Variants in IL5RA observed in about 807,000 individuals in gnomAD.
IL5RA encodes interleukin-5 receptor subunit alpha.
In IL5RA, 49 loss-of-function variants were observed where a neutral mutation model predicts 50.0. The ratio of observed to expected loss-of-function variants is 0.98; its 90% CI spans 0.78 to 1.24. IL5RA has a LOEUF of 1.24. IL5RA is among the 50% of genes most tolerant of loss of function. IL5RA has a pLI of 0.00. For synonymous variants in IL5RA, 202 were observed against 174.0 expected, an observed-to-expected ratio of 1.16 and a Z score of -1.26; for missense variants, 600 against 500.4, an observed-to-expected ratio of 1.20 and a Z score of -1.90.
chr3:3,092,955 T>G lies in IL5RA; in HGVS notation c.856-593A>C, dbSNP rs17879227. Reference sequence around the variant, plus strand: ...GCTCTTATTATCTTTTGCTTGGACCTTTGCAGTAGCCGCTAACTGATATCA... The same window carrying G: ...GCTCTTATTATCTTTTGCTTGGACCGTTGCAGTAGCCGCTAACTGATATCA... On this transcript the variant is annotated intron_variant, in intron 8 of 11. Transcript: ENST00000446632. The surrounding 1 kb of genome is among the most constrained non-coding windows in gnomAD (Gnocchi z 4.2). 4.8e-3 allele frequency among the ~76,000 whole-genome samples: 724 copies of G among 152,176 alleles called. 7 individuals carry two copies. The highest frequency in any genetic ancestry group is 0.015 in the African/African-American group (642 of 41,522).
chr3:3,092,311 TAGAA>T lies in IL5RA; in HGVS notation c.903_906del (p.Lys303ThrfsTer5), dbSNP rs773569340. 1 of 1,614,008 alleles carries T rather than the reference TAGAA, an allele frequency of 6.2e-7. No homozygotes were observed. The highest frequency in any genetic ancestry group is 2.2e-5 in the East Asian group (1 of 44,884). On this transcript the variant is annotated frameshift_variant, in exon 9 of 12. Coordinates refer to ENST00000446632, the MANE Select transcript of IL5RA (RefSeq NM_175726.4). LOFTEE classifies it high-confidence loss of function. The surrounding 1 kb of genome is among the most constrained non-coding windows in gnomAD (Gnocchi z 4.2). Reference sequence around the variant, plus strand: ...GCTGCTCTCACTTGAACATCGTACTTAGAAAGATCATCAATTATTGAGATGAATG... The same window carrying T: ...GCTGCTCTCACTTGAACATCGTACTTAGATCATCAATTATTGAGATGAATG...
rs904426452 is a variant in IL5RA, at chr3:3,069,256, T to C, written c.*969A>G. On this transcript the variant is annotated 3_prime_UTR_variant, in exon 12 of 12. Coordinates refer to ENST00000446632, the MANE Select transcript of IL5RA (RefSeq NM_175726.4). The stretch of plus-strand genomic sequence containing the variant: ...TCCAATCTGGATGCAGACTCATATA[T>C]GAAGATGTTAGGAAGAAGAATTTCT... 6.6e-6 allele frequency: 1 copy of C among 152,262 alleles called. No homozygotes were observed. Among genetic ancestry groups the C allele is most frequent in the Non-Finnish European group, 1.5e-5 (1 of 68,066 alleles). 9.4% of individuals were successfully genotyped at this position (152,262 alleles called of 1,614,324 possible). A position where few individuals can be genotyped will look rare whatever the true frequency, so the allele number is the denominator to read the frequency against.
chr3:3,103,996 T>C (rs1439772210), intron 3 of IL5RA, among the ~76,000 whole-genome samples: 1 of 152,208 alleles, frequency 6.6e-6, no homozygotes, highest in East Asian at 1.9e-4. Context: ...CATTGTCCAT[T>C]ACGGTAGCCA....
intron 9 of IL5RA, chr3:3,089,998 T>G: frequency 1.9e-6 from 1 of 515,122 alleles, no homozygotes; most frequent in East Asian, 3.7e-5. Flanking sequence ...TGTCCAGAGA[T>G]CAAGTGCTAG....
At chr3:3,090,307 T>A (rs1290021507) in intron 9 of IL5RA, 11 of 1,314,750 alleles carry the variant, frequency 8.4e-6, no homozygotes, top group Non-Finnish European at 1.2e-5. Flanking sequence ...TCAATCCTTG[T>A]AAAGGCTGAA....
At chr3:3,104,130 T>C (rs916183230) in intron 3 of IL5RA, among the ~76,000 whole-genome samples, 7 of 152,214 alleles carry the variant, frequency 4.6e-5, no homozygotes, top group Non-Finnish European at 8.8e-5. Flanking sequence ...AACCTCTGCC[T>C]CTCAGCTCAA....
At chr3:3,090,352 C>G in intron 9 of IL5RA, 3 of 844,270 alleles carry the variant, frequency 3.6e-6, no homozygotes, top group Non-Finnish European at 3.8e-6. Flanking sequence ...AGGCTCCAGT[C>G]TTCTTCCCAC....
intron 11 of IL5RA, 102 bp from the exon 12 acceptor site, chr3:3,070,413 T>C (rs1202933304): frequency 7.2e-6 from 5 of 693,764 alleles, no homozygotes; most frequent in Admixed American, 5.3e-5. Context: ...TAAATAAAAA[T>C]AGTAAATGTT....
chr3:3,078,571 C>T (rs1176256667), intron 9 of IL5RA, among the ~76,000 whole-genome samples: 4 of 152,192 alleles, frequency 2.6e-5, no homozygotes, highest in Non-Finnish European at 4.4e-5. Context: ...CGGTGGCTCA[C>T]GCCTGTAATC....
intron 1 of IL5RA, among the ~76,000 whole-genome samples, chr3:3,109,701 ATTAG>A (rs748784246): frequency 1.1e-3 from 160 of 152,196 alleles, no homozygotes; most frequent in Non-Finnish European, 1.5e-3. Flanking sequence ...TGGGACCATT[ATTAG>A]TTCTGTCCCT....
chr3:3,073,787 T>G (rs867326023), intron 11 of IL5RA: 2 of 452,002 alleles, frequency 4.4e-6, no homozygotes, highest in Admixed American at 4.9e-5. Context: ...TGTAGAAAAT[T>G]GTCAGCTGAA....
At chr3:3,085,814 C>T (rs186295300) in intron 9 of IL5RA, among the ~76,000 whole-genome samples, 37 of 152,236 alleles carry the variant, frequency 2.4e-4, no homozygotes, top group African/African-American at 7.7e-4. Flanking sequence ...TCTGAGACCC[C>T]CACTCCACCA....
At chr3:3,102,929 C>G (rs1363618653) in intron 3 of IL5RA, 109 bp from the exon 4 acceptor site, 2 of 790,716 alleles carry the variant, frequency 2.5e-6, no homozygotes, top group Admixed American at 3.3e-5. Context: ...CTGGACCTGC[C>G]AGCACCACAG....
intron 9 of IL5RA, chr3:3,090,292 C>T (rs962806163): frequency 5.0e-6 from 7 of 1,411,522 alleles, no homozygotes; most frequent in South Asian, 1.2e-5. Context: ...TCTGGGGATA[C>T]ACAATCAATC....
chr3:3,076,813 C>T (rs751835035), intron 9 of IL5RA, among the ~76,000 whole-genome samples, 186 bp from the exon 10 acceptor site: 7 of 152,136 alleles, frequency 4.6e-5, no homozygotes, highest in Admixed American at 2.0e-4. Flanking sequence ...GGGTAACAGC[C>T]ATCTCACAAA....
In IL5RA at chr3:3,098,224, C is replaced by T. The variant is rs772866074; in HGVS notation, c.434G>A (p.Arg145His). 1.3e-5 allele frequency: 21 copies of T among 1,613,846 alleles called. No individual in the cohort carries two copies. Among genetic ancestry groups the T allele is most frequent in the Middle Eastern group, 1.6e-4 (1 of 6,082 alleles). Residue 145 changes from arginine (R) to histidine (H), a missense_variant, in exon 6 of 12, where the codon CGT becomes CAT. Transcript: ENST00000446632. ...AAGGGAAACTTGGTATGACCTTAAA[C>T]GTGAATAATTGTCTTCTGTAGTGTT... Reference protein sequence around the residue: ...TTNTTEDNYSRLRSYQVSLHC... With the variant: ...TTNTTEDNYSHLRSYQVSLHC...
chr3:3,086,078 A>G (rs1702849133), intron 9 of IL5RA, among the ~76,000 whole-genome samples: 1 of 152,208 alleles, frequency 6.6e-6, no homozygotes, highest in Non-Finnish European at 1.5e-5. Flanking sequence ...GTGAGGTCAA[A>G]GCAAAACTCC....
At chr3:3,083,429 G>C (rs3804802) in intron 9 of IL5RA, among the ~76,000 whole-genome samples, 2 of 151,958 alleles carry the variant, frequency 1.3e-5, no homozygotes, top group Non-Finnish European at 2.9e-5. Context: ...ATTTGTGTAC[G>C]TGTGTGTATT....
At position 3,090,727 on chromosome 3, in the gene IL5RA, C is replaced by T. The variant is rs140567450; in HGVS notation, c.994+1497G>A. Among the ~76,000 whole-genome samples, 401 of 151,852 alleles carry T rather than the reference C, an allele frequency of 2.6e-3. 4 individuals carry two copies. The highest frequency in any genetic ancestry group is 9.1e-3 in the African/African-American group (377 of 41,396). ...GACTACAGGCGCCCGCCACCACGCCCGGCTAATTTTTTGTTGTTGTATTTT... is the reference window on the plus strand; with the variant it reads ...GACTACAGGCGCCCGCCACCACGCCTGGCTAATTTTTTGTTGTTGTATTTT... On this transcript the variant is annotated intron_variant, in intron 9 of 11. Transcript: ENST00000446632.
Sources: allele counts gnomAD v4.1 joint callset (sites outside exome capture counted in the v4.1 genomes callset), GRCh38; gene constraint gnomAD v4.1.1; non-coding constraint Gnocchi (gnomAD v3.1); transcripts MANE v1.5; gene names NCBI Gene and HGNC (gene_info 2026-07-23, HGNC 2026-07-21).